The following BTNL2 variants were observed in gnomAD, a reference collection of about 807,000 sequenced individuals.
The protein encoded by BTNL2 is butyrophilin-like protein 2.
BTNL2 carries 46 observed loss-of-function variants against 46.8 expected under a neutral mutation model. That is an observed-to-expected ratio of 0.98 (90% CI 0.78 to 1.26). The LOEUF (loss-of-function observed/expected upper bound fraction) is 1.26. Among genes scored for constraint, BTNL2 ranks in the 50% most tolerant of loss-of-function variants. The probability of loss-of-function intolerance (pLI) is 0.00; values close to 1 mark genes in which losing one functional copy is unlikely to be tolerated. For synonymous variants in BTNL2, 226 were observed against 229.1 expected, an observed-to-expected ratio of 0.99 and a Z score of 0.12; for missense variants, 461 against 592.6, an observed-to-expected ratio of 0.78 and a Z score of 2.31.
At chr6:32,398,527 A>G (rs1049127728) in intron 4 of BTNL2, among the ~76,000 whole-genome samples, 1 of 152,202 alleles carries the variant, frequency 6.6e-6, no homozygotes, top group Non-Finnish European at 1.5e-5. Flanking sequence ...GAAAAAATGG[A>G]CTAGGGATTA....
intron 1 of BTNL2, among the ~76,000 whole-genome samples, chr6:32,405,807 G>GT (rs56858224): frequency 0.35 from 45,087 of 127,294 alleles, 7,083 homozygotes; most frequent in Non-Finnish European, 0.38. Context: ...TATAAAAACT[G>GT]TTTTTTTTTT....
intron 2 of BTNL2, 45 bp from the exon 3 acceptor site, chr6:32,403,261 C>T (rs1333981182): frequency 8.4e-6 from 13 of 1,540,584 alleles, no homozygotes; most frequent in Non-Finnish European, 1.1e-5. Flanking sequence ...CCCACAGAGG[C>T]AGAAATCACA....
Position 32,394,845 on chromosome 6 carries a change from T to C in BTNL2, c.1259A>G (p.Gln420Arg), listed in dbSNP as rs2127702608. The change falls in exon 6 of 8, where the codon CAG becomes CGG. Residue 420 changes from glutamine to arginine, a missense_variant. Gln to Arg is a conservative substitution (Grantham distance 43). Transcript: ENST00000454136. The surrounding 1 kb of genome is among the most constrained non-coding windows in gnomAD (Gnocchi z 4.6). ...TQGSHGLFHVQTLLRVTNISA... is the reference protein window; with the variant it reads ...TQGSHGLFHVRTLLRVTNISA... Reference sequence around the variant, plus strand: ...GATGTTTGTGACCCTTAGCAATGTCTGCACGTGGAACAGCCCGTGGCTGCC... The same window carrying C: ...GATGTTTGTGACCCTTAGCAATGTCCGCACGTGGAACAGCCCGTGGCTGCC... 2 of 1,614,228 alleles carry C rather than the reference T, an allele frequency of 1.2e-6. No homozygotes were observed. The highest frequency in any genetic ancestry group is 4.5e-5 in the East Asian group (2 of 44,886).
Position 32,401,818 on chromosome 6 carries a change from CAAG to C in BTNL2, c.710-16_710-14del, listed in dbSNP as rs752142966. ...GTCTGGAGTTTCTCTGGAAAAAGAA[CAAG>C]AATAACATATTAAGGAATTTGGTGT... is the stretch of plus-strand genomic sequence containing the variant. On this transcript the variant is annotated splice_polypyrimidine_tract_variant and intron_variant, in intron 3 of 7. Coordinates refer to ENST00000454136, the MANE Select transcript of BTNL2 (RefSeq NM_001304561.2). 2 of 1,607,250 alleles carry C rather than the reference CAAG, an allele frequency of 1.2e-6. No individual in the cohort carries two copies. The highest frequency in any genetic ancestry group is 1.7e-6 in the Non-Finnish European group (2 of 1,176,546).
intron 2 of BTNL2, among the ~76,000 whole-genome samples, chr6:32,404,313 T>C (rs1467980816): frequency 6.6e-6 from 1 of 152,206 alleles, no homozygotes; most frequent in Non-Finnish European, 1.5e-5. Flanking sequence ...AGATCCATTC[T>C]TCAGTTGTCC....
rs1207102933 is a variant in BTNL2, at chr6:32,399,365, G to A, written c.730+2420C>T. Among the ~76,000 whole-genome samples the A allele has an allele frequency of 6.6e-6, 1 of 152,156 alleles. No individual in the cohort carries two copies. Among genetic ancestry groups the A allele is most frequent in the Non-Finnish European group, 1.5e-5 (1 of 68,024 alleles). On this transcript the variant is annotated intron_variant, in intron 4 of 7. Transcript: ENST00000454136. The surrounding 1 kb of genome is among the most constrained non-coding windows in gnomAD (Gnocchi z 5.2). The stretch of plus-strand genomic sequence containing the variant: ...ATTATACACTGATTCCTTGAAACCT[G>A]ATAATCTCATCATCATACCACATAA...
chr6:32,403,025 C>CA lies in BTNL2; in HGVS notation c.618_619insT (p.Val207CysfsTer21), dbSNP rs757259940. On this transcript the variant is annotated frameshift_variant, in exon 3 of 8. Coordinates refer to ENST00000454136, the MANE Select transcript of BTNL2 (RefSeq NM_001304561.2). LOFTEE classifies it high-confidence loss of function. ...GACTCTGCAGAGGCGTTCCTGACCA[C>CA]CAGGGTGGCTTCCGCATAGAACAGG... 7 of 1,612,874 alleles carry CA rather than the reference C, an allele frequency of 4.3e-6. No homozygotes were observed. The Admixed American group carries it at 1.2e-4, about 27-fold the overall frequency.
Position 32,402,933 on chromosome 6 carries a change from A to G in BTNL2, c.709+2T>C, listed in dbSNP as rs1281321243. The G allele has an allele frequency of 1.9e-6, 3 of 1,612,316 alleles. No individual in the cohort carries two copies. In the South Asian group the frequency reaches 3.3e-5, roughly 18 times the overall value. ...TGTGGGTCCTAGAGGCAGAGCACTG[A>G]CCTGGGAGGCTGATGACCGACCCCT... On this transcript the variant is annotated splice_donor_variant, in intron 3 of 7. Coordinates refer to ENST00000454136, the MANE Select transcript of BTNL2 (RefSeq NM_001304561.2). LOFTEE classifies it high-confidence loss of function.
At chr6:32,398,570 C>T (rs906598391) in intron 4 of BTNL2, among the ~76,000 whole-genome samples, 7 of 152,162 alleles carry the variant, frequency 4.6e-5, no homozygotes, top group East Asian at 1.9e-4. Context: ...ACATGGCTTA[C>T]GGTAAATTAC....
In BTNL2 at chr6:32,405,177, C is replaced by T; in HGVS notation, c.189G>A (p.Val63=). 1 of 1,613,072 alleles carries T rather than the reference C, an allele frequency of 6.2e-7. No individual in the cohort carries two copies. The highest frequency in any genetic ancestry group is 8.5e-7 in the Non-Finnish European group (1 of 1,180,026). ...LPKRTTMHVE[V]RWYRSEPSTP... is the part of the protein sequence containing the mutation. The stretch of plus-strand genomic sequence containing the variant: ...TGCTGGGCTCTGAGCGGTACCACCT[C>T]ACCTCCACGTGCATTGTGGTCCTCT... Residue 63 remains valine (V), a synonymous_variant, in exon 2 of 8, where the codon GTG becomes GTA. Transcript: ENST00000454136.
Position 32,399,895 on chromosome 6 carries a change from C to T in BTNL2, c.730+1890G>A, listed in dbSNP as rs1487690454. Among the ~76,000 whole-genome samples, 1 of 152,130 alleles carries T rather than the reference C, an allele frequency of 6.6e-6. No individual in the cohort carries two copies. The highest frequency in any genetic ancestry group is 1.5e-5 in the Non-Finnish European group (1 of 68,030). ...CATTAGAGCTCACCTGCAAAGCTTC[C>T]GTGCCCAGAGCCCTCCTCTCCCACC... On this transcript the variant is annotated intron_variant, in intron 4 of 7. Transcript: ENST00000454136. The surrounding 1 kb of genome is among the most constrained non-coding windows in gnomAD (Gnocchi z 5.2).
chr6:32,395,915 A>T, intron 5 of BTNL2, 124 bp downstream of exon 5: 1 of 742,200 alleles, frequency 1.3e-6, no homozygotes, highest in East Asian at 2.7e-5. Context: ...GGAGGATTTG[A>T]TATAAATTTG....
intron 1 of BTNL2, among the ~76,000 whole-genome samples, chr6:32,405,807 G>GTTTTTTTTTTTTTT (rs56858224): frequency 1.6e-5 from 2 of 127,872 alleles, no homozygotes; most frequent in Non-Finnish European, 3.6e-5. Flanking sequence ...TATAAAAACT[G>GTTTTTTTTTTTTTT]TTTTTTTTTT....
chr6:32,404,269 A>G (rs114693440), intron 2 of BTNL2, among the ~76,000 whole-genome samples: 3,689 of 152,314 alleles, frequency 0.024, 80 homozygotes, highest in Middle Eastern at 0.062. Flanking sequence ...TAGCCCTGTC[A>G]GGGAATCATA....
chr6:32,394,040 A>G lies in BTNL2; in HGVS notation c.1378T>C (p.Leu460=), dbSNP rs956800945. 6.5e-7 allele frequency: 1 copy of G among 1,550,162 alleles called. No homozygotes were observed. Among genetic ancestry groups the G allele is most frequent in the African/African-American group, 1.4e-5 (1 of 73,050 alleles). The change falls in exon 7 of 8, where the codon TTG becomes CTG. Residue 460 remains leucine (L), a synonymous_variant. Transcript: ENST00000454136. This position sits in a 1 kb window ranked among gnomAD's most constrained non-coding sequence, Gnocchi z 4.6. ...CCCCAAACAAGCAGTGTTTTCCACA[A>G]AAACGTCATCCTGGACTCTAAAATG... is the stretch of plus-strand genomic sequence containing the variant. The part of the protein sequence containing the change: ...FSLSESRMTF[L]WKTLLVWGLL...
In BTNL2 at chr6:32,405,083, C is replaced by G; in HGVS notation, c.283G>C (p.Val95Leu). 1 of 1,613,068 alleles carries G rather than the reference C, an allele frequency of 6.2e-7. No individual in the cohort carries two copies. Among genetic ancestry groups the G allele is most frequent in the Non-Finnish European group, 8.5e-7 (1 of 1,180,036 alleles). ...EMQMEEYRGW[V>L]EWIENGIAKG... is the part of the protein sequence containing the mutation. ...GCAATGCCATTCTCTATCCACTCTACCCAGCCTCTGTACTCCTCCATCTGC... is the reference window on the plus strand; with the variant it reads ...GCAATGCCATTCTCTATCCACTCTAGCCAGCCTCTGTACTCCTCCATCTGC... The change falls in exon 2 of 8, where the codon GTA (valine) becomes CTA (leucine). Residue 95 changes from valine (V) to leucine (L), a missense_variant. Coordinates refer to ENST00000454136, the MANE Select transcript of BTNL2 (RefSeq NM_001304561.2).
In BTNL2 at chr6:32,396,269, T is replaced by A. The variant is rs34423804; in HGVS notation, c.848A>T (p.Asp283Val). ...ANAQSMEVRW[D>V]RSHRYPAVHV... The stretch of plus-strand genomic sequence containing the variant: ...CACAGCAGGGTAACGGTGGGATCGG[T>A]CCCACCTCACCTCCATGCTCTGTGC... The change falls in exon 5 of 8, where the codon GAC becomes GTC. Residue 283 changes from aspartate (D) to valine (V), a missense_variant. By Grantham distance (152) the Asp-to-Val change is radical. Transcript: ENST00000454136. This position sits in a 1 kb window ranked among gnomAD's most constrained non-coding sequence, Gnocchi z 4.4. 0.016 allele frequency: 25,979 copies of A among 1,612,962 alleles called. 1,141 individuals carry two copies. Among genetic ancestry groups the A allele is most frequent in the East Asian group, 0.16 (6,975 of 44,864 alleles).
At position 32,393,866 on chromosome 6, in the gene BTNL2, G is replaced by A. The variant is rs116889006; in HGVS notation, c.*6+97C>T. On this transcript the variant is annotated intron_variant, in intron 7 of 7. Transcript: ENST00000454136. The surrounding 1 kb of genome is among the most constrained non-coding windows in gnomAD (Gnocchi z 4.8). ...CTTAGTTACTGGATATTCACTGACT[G>A]CCTCCCATAGGTGACTTGTGAAAAG... 0.013 allele frequency: 19,273 copies of A among 1,445,788 alleles called. 1,004 individuals carry two copies. In the East Asian group the frequency reaches 0.16, roughly 12 times the overall value. 89.6% of individuals were successfully genotyped at this position (1,445,788 alleles called of 1,614,324 possible).
chr6:32,395,817 G>A (rs1030971142), intron 5 of BTNL2, among the ~76,000 whole-genome samples: 3 of 152,112 alleles, frequency 2.0e-5, no homozygotes, highest in Non-Finnish European at 2.9e-5. Context: ...TGAAGATACT[G>A]GAAAAGATAC....
Sources: gnomAD v4.1 joint callset for allele counts (sites outside exome capture counted in the v4.1 genomes callset) on GRCh38, gnomAD v4.1.1 for gene constraint, Gnocchi (gnomAD v3.1) non-coding constraint, MANE v1.5 for transcripts, NCBI Gene and HGNC (gene_info 2026-07-23, HGNC 2026-07-21) for gene names.